CADPS2: variants seen among roughly 807,000 people sequenced by gnomAD.
CADPS2 encodes calcium dependent secretion activator 2.
A neutral mutation model predicts 172.5 loss-of-function variants in CADPS2; 93 were observed. That is an observed-to-expected ratio of 0.54 (90% CI 0.46 to 0.64). The LOEUF (loss-of-function observed/expected upper bound fraction) is 0.64, where lower values mean the gene tolerates loss of function less well. Ranked by LOEUF, CADPS2 falls within the 30% of genes least tolerant of loss-of-function variation. The probability of loss-of-function intolerance (pLI) is 0.00; values close to 1 mark genes in which losing one functional copy is unlikely to be tolerated. For missense variants in CADPS2, 1,420 were observed against 1,565.9 expected (o/e 0.91, Z 1.57); for synonymous variants, 546 against 555.2 (o/e 0.98, Z 0.23).
intron 24 of CADPS2, among the ~76,000 whole-genome samples, chr7:122,380,713 G>T (rs2151368937): frequency 6.6e-6 from 1 of 152,154 alleles, no homozygotes; most frequent in East Asian, 1.9e-4. Context: ...AGTGCATAAT[G>T]ATGAGTGATC....
intron 8 of CADPS2, among the ~76,000 whole-genome samples, chr7:122,552,781 T>G (rs994590173): frequency 3.5e-4 from 53 of 151,540 alleles, no homozygotes; most frequent in African/African-American, 1.1e-3. Flanking sequence ...TCCTGTTTTT[T>G]TTTTTTTTTT....
chr7:122,420,606 G>A (rs1000324613), intron 17 of CADPS2, among the ~76,000 whole-genome samples: 1 of 152,210 alleles, frequency 6.6e-6, no homozygotes, highest in Non-Finnish European at 1.5e-5. Flanking sequence ...GGGAATATTT[G>A]AGAATTCTTC....
At chr7:122,620,642 C>T (rs1335163517) in intron 5 of CADPS2, among the ~76,000 whole-genome samples, 1 of 152,108 alleles carries the variant, frequency 6.6e-6, no homozygotes, top group Non-Finnish European at 1.5e-5. Context: ...TCTTCTTGCT[C>T]TAATATGTAC....
At chr7:122,862,692 C>T (rs1218737110) in intron 1 of CADPS2, among the ~76,000 whole-genome samples, 1 of 151,836 alleles carries the variant, frequency 6.6e-6, no homozygotes, top group Non-Finnish European at 1.5e-5. Flanking sequence ...TTGCTGGACC[C>T]TAACTCAATA....
intron 6 of CADPS2, among the ~76,000 whole-genome samples, chr7:122,608,020 C>T (rs1329804990): frequency 6.6e-6 from 1 of 151,894 alleles, no homozygotes; most frequent in Admixed American, 6.6e-5. Context: ...AGATCAAGAC[C>T]ATCCTGGCCA....
intron 20 of CADPS2, among the ~76,000 whole-genome samples, chr7:122,401,265 A>G (rs777527761): frequency 1.3e-5 from 2 of 152,196 alleles, no homozygotes; most frequent in Non-Finnish European, 2.9e-5. Context: ...TTATATAAGC[A>G]CGGGTGTTCT....
intron 1 of CADPS2, among the ~76,000 whole-genome samples, chr7:122,816,099 C>A (rs13227173): frequency 0.2 from 29,902 of 151,558 alleles, 3,064 homozygotes; most frequent in Middle Eastern, 0.3. Flanking sequence ...TATCATGCTA[C>A]TGAACATTAG....
intron 1 of CADPS2, among the ~76,000 whole-genome samples, chr7:122,836,484 C>A (rs909514618): frequency 6.6e-6 from 1 of 152,130 alleles, no homozygotes; most frequent in African/African-American, 2.4e-5. Flanking sequence ...CACAGACTGG[C>A]AAATTGGATT....
At chr7:122,441,720 T>G (rs1369556518) in intron 15 of CADPS2, 145 bp from the exon 16 acceptor site, 4 of 481,370 alleles carry the variant, frequency 8.3e-6, no homozygotes, top group Non-Finnish European at 1.5e-5. Context: ...AGGGAAATTT[T>G]AACTATTAAA....
intron 1 of CADPS2, among the ~76,000 whole-genome samples, chr7:122,794,914 A>G (rs1237519139): frequency 6.6e-6 from 1 of 152,136 alleles, no homozygotes; most frequent in Non-Finnish European, 1.5e-5. Flanking sequence ...AAGTTCTTTG[A>G]AACTAATGAG....
chr7:122,829,284 T>G (rs984962183), intron 1 of CADPS2, among the ~76,000 whole-genome samples: 1 of 152,168 alleles, frequency 6.6e-6, no homozygotes, highest in Non-Finnish European at 1.5e-5. Context: ...TTTATACTAC[T>G]GGCACTAATA....
intron 2 of CADPS2, among the ~76,000 whole-genome samples, chr7:122,734,833 C>A (rs1270755475): frequency 6.6e-6 from 1 of 152,092 alleles, no homozygotes; most frequent in Non-Finnish European, 1.5e-5. Context: ...CATCACAAAT[C>A]TTAACACCAT....
chr7:122,769,181 C>A (rs1246480198), intron 1 of CADPS2, among the ~76,000 whole-genome samples: 2 of 152,176 alleles, frequency 1.3e-5, no homozygotes, highest in Non-Finnish European at 2.9e-5. Context: ...ATGATTATCA[C>A]ATAAGAAGAC....
chr7:122,651,718 T>C (rs1454312454), intron 3 of CADPS2, among the ~76,000 whole-genome samples: 2 of 152,122 alleles, frequency 1.3e-5, no homozygotes, highest in East Asian at 3.9e-4. Context: ...CTTTCTTCAG[T>C]TAATGGAATG....
chr7:122,556,001 G>A (rs2064984956), intron 7 of CADPS2, among the ~76,000 whole-genome samples: 1 of 152,006 alleles, frequency 6.6e-6, no homozygotes, highest in South Asian at 2.1e-4. Flanking sequence ...GTTGTTAAAT[G>A]TATCTACTAT....
chr7:122,361,034 G>C, intron 25 of CADPS2, 21 bp from the exon 26 acceptor site: 1 of 1,587,496 alleles, frequency 6.3e-7, no homozygotes, highest in Non-Finnish European at 8.6e-7. Context: ...GTTATAGTGA[G>C]TATTTAGAAT....
At chr7:122,690,858 C>T (rs2084258696) in intron 2 of CADPS2, among the ~76,000 whole-genome samples, 1 of 152,168 alleles carries the variant, frequency 6.6e-6, no homozygotes, top group Admixed American at 6.5e-5. Context: ...CATATAGTGT[C>T]AGTAGAATGG....
At chr7:122,364,201 A>G (rs1233031170) in intron 25 of CADPS2, among the ~76,000 whole-genome samples, 3 of 151,886 alleles carry the variant, frequency 2.0e-5, no homozygotes, top group African/African-American at 4.8e-5. Context: ...GCTTGAGTCT[A>G]GGAGTTCAAG....
chr7:122,825,332 T>A lies in CADPS2; in HGVS notation c.339+60667A>T, dbSNP rs537892868. Among the ~76,000 whole-genome samples the A allele has an allele frequency of 9.9e-5, 15 of 152,282 alleles. No individual in the cohort carries two copies. In the South Asian group the frequency reaches 3.1e-3, roughly 32 times the overall value. On this transcript the variant is annotated intron_variant, in intron 1 of 29. Coordinates refer to ENST00000449022, the MANE Select transcript of CADPS2 (RefSeq NM_017954.11). ...GTAAAAGCAAATAAACTGTGATTCA[T>A]CCATTCAAGGCAATGAGGAAAAGCT...
Sources: gnomAD v4.1 joint callset for allele counts (sites outside exome capture counted in the v4.1 genomes callset) on GRCh38, gnomAD v4.1.1 for gene constraint, MANE v1.5 for transcripts, NCBI Gene and HGNC (gene_info 2026-07-23, HGNC 2026-07-21) for gene names.